Variants in CADM1 observed in about 807,000 individuals in gnomAD.
The protein encoded by CADM1 is TSLC-1.
CADM1 carries 15 observed loss-of-function variants against 53.1 expected under a neutral mutation model. That is an observed-to-expected ratio of 0.28 (90% CI 0.19 to 0.44). CADM1 has a LOEUF of 0.44. Among genes scored for constraint, CADM1 ranks in the 20% least tolerant of loss-of-function variants. The pLI is 1.00. For missense variants in CADM1, 434 were observed against 611.3 expected (o/e 0.71, Z 3.06); for synonymous variants, 281 against 243.0 (o/e 1.16, Z -1.45).
At chr11:115,294,430 T>C (rs146057085) in intron 1 of CADM1, among the ~76,000 whole-genome samples, 1,603 of 152,278 alleles carry the variant, frequency 0.011, 26 homozygotes, top group African/African-American at 0.028. Context: ...TTACACTCAA[T>C]AGCCCGTTCT....
At chr11:115,488,543 T>A (rs1435669314) in intron 1 of CADM1, among the ~76,000 whole-genome samples, 1 of 152,208 alleles carries the variant, frequency 6.6e-6, no homozygotes, top group African/African-American at 2.4e-5. Flanking sequence ...TAAACTCTGG[T>A]TAGAGTGGTT....
At chr11:115,419,389 A>C (rs1947696976) in intron 1 of CADM1, among the ~76,000 whole-genome samples, 1 of 152,184 alleles carries the variant, frequency 6.6e-6, no homozygotes, top group East Asian at 1.9e-4. Flanking sequence ...CTTCAATCCC[A>C]GTAGAAGATT....
At chr11:115,275,691 G>A (rs1246478061) in intron 1 of CADM1, among the ~76,000 whole-genome samples, 1 of 152,122 alleles carries the variant, frequency 6.6e-6, no homozygotes, top group Non-Finnish European at 1.5e-5. Flanking sequence ...TTGGAGGGGA[G>A]GGAATAGAAA....
intron 1 of CADM1, among the ~76,000 whole-genome samples, chr11:115,335,323 A>T (rs942938464): frequency 6.6e-6 from 1 of 152,172 alleles, no homozygotes; most frequent in African/African-American, 2.4e-5. Context: ...CAGCAAAAAA[A>T]TTAGAAAAGA....
rs58589028 is a variant in CADM1, at chr11:115,368,110, CTTTTTTTT to C, written c.125-127698_125-127691del. On this transcript the variant is annotated intron_variant, in intron 1 of 11. Transcript: ENST00000331581. Reference sequence around the variant, plus strand: ...AAAATGTCTTTATTATCACTAGAGTCTTTTTTTTTTTTTTTTTTTTTTTTTTTTTACTT... The same window carrying C: ...AAAATGTCTTTATTATCACTAGAGTCTTTTTTTTTTTTTTTTTTTTTACTT... Among the ~76,000 whole-genome samples, 404 of 61,908 alleles carry C rather than the reference CTTTTTTTT, an allele frequency of 6.5e-3. 3 individuals are homozygous for C. The highest frequency in any genetic ancestry group is 9.5e-3 in the Non-Finnish European group (343 of 36,284). 40.6% of individuals were successfully genotyped at this position (61,908 alleles called of 152,430 possible).
At chr11:115,501,405 A>G (rs1288165980) in intron 1 of CADM1, among the ~76,000 whole-genome samples, 1 of 152,076 alleles carries the variant, frequency 6.6e-6, no homozygotes, top group Non-Finnish European at 1.5e-5. Flanking sequence ...TCACCACCAT[A>G]AATCCCCCAT....
At chr11:115,442,693 G>A (rs774861362) in intron 1 of CADM1, among the ~76,000 whole-genome samples, 29 of 152,154 alleles carry the variant, frequency 1.9e-4, no homozygotes, top group Non-Finnish European at 3.4e-4. Flanking sequence ...TGCCAAGCTA[G>A]ACTATATATT....
intron 8 of CADM1, among the ~76,000 whole-genome samples, chr11:115,208,813 G>A (rs1238871916): frequency 6.6e-6 from 1 of 152,138 alleles, no homozygotes; most frequent in Non-Finnish European, 1.5e-5. Context: ...GCCACATCAA[G>A]CAGTATGAGA....
chr11:115,263,398 G>C lies in CADM1; in HGVS notation c.125-22978C>G, dbSNP rs559811494. 5.6e-4 allele frequency among the ~76,000 whole-genome samples: 85 copies of C among 152,290 alleles called. 1 individual carries two copies. The highest frequency in any genetic ancestry group is 9.3e-4 in the Non-Finnish European group (63 of 68,026). ...AATAAATATTTGGGGGAAAATACTTGGAGGCTGTGAAACTATCATGTTTCT... is the reference window on the plus strand; with the variant it reads ...AATAAATATTTGGGGGAAAATACTTCGAGGCTGTGAAACTATCATGTTTCT... On this transcript the variant is annotated intron_variant, in intron 1 of 11. Transcript: ENST00000331581.
intron 1 of CADM1, among the ~76,000 whole-genome samples, chr11:115,308,175 G>GTATATA (rs1555061126): frequency 6.8e-5 from 8 of 117,454 alleles, no homozygotes; most frequent in African/African-American, 3.0e-4. Flanking sequence ...GTGTGTGTGT[G>GTATATA]TATATCACTC....
At chr11:115,271,428 G>A (rs1333857023) in intron 1 of CADM1, among the ~76,000 whole-genome samples, 2 of 152,048 alleles carry the variant, frequency 1.3e-5, no homozygotes, top group Non-Finnish European at 2.9e-5. Flanking sequence ...GACTACAGGC[G>A]CCTACAACCA....
chr11:115,346,420 A>G (rs1945579520), intron 1 of CADM1, among the ~76,000 whole-genome samples: 1 of 152,086 alleles, frequency 6.6e-6, no homozygotes, highest in Non-Finnish European at 1.5e-5. Context: ...TTCTATAGAG[A>G]TGGGGTCTTG....
At chr11:115,198,787 T>C (rs976357924) in intron 8 of CADM1, among the ~76,000 whole-genome samples, 7 of 152,196 alleles carry the variant, frequency 4.6e-5, no homozygotes, top group South Asian at 4.1e-4. Context: ...TCTTAAAGCA[T>C]CAAGGCTCAG....
At chr11:115,405,129 T>C (rs911979261) in intron 1 of CADM1, among the ~76,000 whole-genome samples, 1 of 152,142 alleles carries the variant, frequency 6.6e-6, no homozygotes, top group Non-Finnish European at 1.5e-5. Context: ...AATTTATTTT[T>C]ATTTTTTTAA....
At chr11:115,416,364 C>T (rs532133885) in intron 1 of CADM1, among the ~76,000 whole-genome samples, 26 of 152,200 alleles carry the variant, frequency 1.7e-4, no homozygotes, top group African/African-American at 6.0e-4. Context: ...ATCAGAATCA[C>T]TAAACCCTGA....
chr11:115,371,537 AAAAG>A (rs879565240), intron 1 of CADM1, among the ~76,000 whole-genome samples: 6 of 152,088 alleles, frequency 3.9e-5, no homozygotes, highest in Admixed American at 6.5e-5. Context: ...GAGACAAATA[AAAAG>A]AAATAGTAAG....
At chr11:115,204,357 C>T (rs1263813883) in intron 8 of CADM1, among the ~76,000 whole-genome samples, 1 of 152,194 alleles carries the variant, frequency 6.6e-6, no homozygotes, top group African/African-American at 2.4e-5. Flanking sequence ...ACCGAATCAC[C>T]CCAATTGTAC....
At chr11:115,357,914 G>A (rs1945919682) in intron 1 of CADM1, among the ~76,000 whole-genome samples, 2 of 152,104 alleles carry the variant, frequency 1.3e-5, no homozygotes, top group South Asian at 4.1e-4. Context: ...GGAGCTTACA[G>A]TCCAGTACAA....
intron 5 of CADM1, among the ~76,000 whole-genome samples, chr11:115,223,644 T>C (rs1941486717): frequency 6.6e-6 from 1 of 152,124 alleles, no homozygotes; most frequent in South Asian, 2.1e-4. Context: ...ATTCCAGTCT[T>C]GCTCACGATG....
Sources: gnomAD v4.1 joint callset for allele counts (sites outside exome capture counted in the v4.1 genomes callset) on GRCh38, gnomAD v4.1.1 for gene constraint, MANE v1.5 for transcripts, NCBI Gene and HGNC (gene_info 2026-07-23, HGNC 2026-07-21) for gene names.